The following ITPR1 variants were observed in gnomAD, a reference collection of about 807,000 sequenced individuals.
The protein encoded by ITPR1 is inositol 1,4,5-trisphosphate receptor type 1, also known as inositol 1,4,5-trisphosphate-gated calcium channel ITPR1.
ITPR1 carries 96 observed loss-of-function variants against 318.4 expected under a neutral mutation model. The ratio of observed to expected loss-of-function variants is 0.30; its 90% CI spans 0.26 to 0.36. ITPR1 has a LOEUF of 0.36. Ranked by LOEUF, ITPR1 falls within the 10% of genes least tolerant of loss-of-function variation. ITPR1 has a pLI of 1.00. For missense variants in ITPR1, 2,440 were observed against 3,460.2 expected, an observed-to-expected ratio of 0.71 and a Z score of 7.40; for synonymous variants, 1,312 against 1,289.9, an observed-to-expected ratio of 1.02 and a Z score of -0.37.
chr3:4,600,981 C>T (rs945222797), intron 4 of ITPR1, among the ~76,000 whole-genome samples: 3 of 152,036 alleles, frequency 2.0e-5, no homozygotes, highest in Admixed American at 2.0e-4. Flanking sequence ...TAAATTAATT[C>T]TTTTCAGAAA....
intron 4 of ITPR1, among the ~76,000 whole-genome samples, chr3:4,564,774 TA>T (rs777988639): frequency 7.9e-5 from 12 of 152,162 alleles, no homozygotes; most frequent in Admixed American, 7.2e-4. Context: ...TAATTTATGA[TA>T]TTTTTTTAAG....
chr3:4,817,707 C>T (rs749216663), intron 59 of ITPR1, among the ~76,000 whole-genome samples: 5 of 152,202 alleles, frequency 3.3e-5, no homozygotes, highest in South Asian at 2.1e-4. Flanking sequence ...TTTACCTGGG[C>T]GAAGGGACTT....
Position 4,722,349 on chromosome 3 carries a change from G to A in ITPR1, c.5137-3197G>A, listed in dbSNP as rs577829735. ...ATTGGCCTTGACTGGAGGTGCCAGC[G>A]CCTGAACGCAGTGACTGGTCCTGGG... On this transcript the variant is annotated intron_variant, in intron 40 of 61. Coordinates refer to ENST00000649015, the MANE Select transcript of ITPR1 (RefSeq NM_001378452.1). Among the ~76,000 whole-genome samples, 9 of 152,276 alleles carry A rather than the reference G, an allele frequency of 5.9e-5. No homozygotes were observed. The South Asian group carries it at 1.0e-3, about 18-fold the overall frequency.
chr3:4,602,221 A>G (rs997827881), intron 4 of ITPR1, among the ~76,000 whole-genome samples: 1 of 152,228 alleles, frequency 6.6e-6, no homozygotes, highest in Non-Finnish European at 1.5e-5. Flanking sequence ...ATACGTCTAC[A>G]TAAAAACTTG....
chr3:4,627,742 G>T, intron 4 of ITPR1, 21 bp from the exon 5 acceptor site: 1 of 1,510,962 alleles, frequency 6.6e-7, no homozygotes. Context: ...GGCAATTTCT[G>T]TTTGTTTGCT....
intron 24 of ITPR1, among the ~76,000 whole-genome samples, chr3:4,678,750 C>T (rs774890463): frequency 5.9e-5 from 9 of 152,082 alleles, no homozygotes; most frequent in Non-Finnish European, 1.3e-4. Context: ...GGGCTTTGTA[C>T]ATGGAGAAAC....
chr3:4,728,287 T>C (rs1394092590), intron 42 of ITPR1, among the ~76,000 whole-genome samples: 1 of 152,214 alleles, frequency 6.6e-6, no homozygotes, highest in Non-Finnish European at 1.5e-5. Flanking sequence ...TTTGGGAAGA[T>C]AACCAGATGT....
At chr3:4,812,745 C>A (rs2049021942) in intron 56 of ITPR1, among the ~76,000 whole-genome samples, 1 of 152,192 alleles carries the variant, frequency 6.6e-6, no homozygotes, top group Admixed American at 6.5e-5. Context: ...ACATTTACTG[C>A]CAGCCATCTT....
intron 13 of ITPR1, among the ~76,000 whole-genome samples, chr3:4,660,397 A>G (rs1000905966): frequency 6.7e-6 from 1 of 149,436 alleles, no homozygotes. Context: ...TTCCCAGGCT[A>G]TGGTGATTTT....
At chr3:4,521,993 G>T (rs930182430) in intron 4 of ITPR1, among the ~76,000 whole-genome samples, 3 of 151,312 alleles carry the variant, frequency 2.0e-5, no homozygotes, top group African/African-American at 2.4e-5. Context: ...TTAGTTTATT[G>T]TAGGAGGTCT....
At chr3:4,783,980 C>G in intron 51 of ITPR1, 60 bp downstream of exon 51, 1 of 1,158,210 alleles carries the variant, frequency 8.6e-7, no homozygotes, top group Non-Finnish European at 1.3e-6. Context: ...GTGCAATGCC[C>G]TGCTCTGGGG....
At chr3:4,553,476 G>C (rs1253314258) in intron 4 of ITPR1, among the ~76,000 whole-genome samples, 1 of 152,052 alleles carries the variant, frequency 6.6e-6, no homozygotes, top group Non-Finnish European at 1.5e-5. Flanking sequence ...TGTCACCCAG[G>C]CTGAAGTACA....
intron 4 of ITPR1, among the ~76,000 whole-genome samples, chr3:4,552,844 C>T (rs972801555): frequency 6.6e-6 from 1 of 152,144 alleles, no homozygotes; most frequent in Non-Finnish European, 1.5e-5. Context: ...AACTCATTAG[C>T]ATGCAAAAGA....
intron 4 of ITPR1, among the ~76,000 whole-genome samples, chr3:4,524,990 C>G (rs936806733): frequency 1.3e-5 from 2 of 152,118 alleles, no homozygotes; most frequent in South Asian, 4.1e-4. Context: ...AGAGTTTAAG[C>G]CTTATTCTTT....
chr3:4,716,726 C>A (rs770385762), intron 39 of ITPR1, among the ~76,000 whole-genome samples: 1 of 152,138 alleles, frequency 6.6e-6, no homozygotes, highest in East Asian at 1.9e-4. Flanking sequence ...CTTAAACAAG[C>A]GTAATTGTGA....
intron 53 of ITPR1, among the ~76,000 whole-genome samples, chr3:4,799,252 T>A (rs1013018395): frequency 6.6e-6 from 1 of 152,246 alleles, no homozygotes; most frequent in Non-Finnish European, 1.5e-5. Flanking sequence ...CTTGACACGA[T>A]GTCTAACAAT....
At chr3:4,505,139 G>A (rs1340601082) in intron 2 of ITPR1, among the ~76,000 whole-genome samples, 1 of 152,102 alleles carries the variant, frequency 6.6e-6, no homozygotes, top group Non-Finnish European at 1.5e-5. Context: ...CAGGTGCTTT[G>A]AGCAAAAGCC....
intron 4 of ITPR1, among the ~76,000 whole-genome samples, chr3:4,528,473 T>C (rs1480577289): frequency 6.6e-6 from 1 of 152,220 alleles, no homozygotes; most frequent in Non-Finnish European, 1.5e-5. Context: ...ACGACCCTCC[T>C]TTGCCGCACA....
chr3:4,513,315 C>G (rs538058043), intron 2 of ITPR1, among the ~76,000 whole-genome samples: 1 of 152,316 alleles, frequency 6.6e-6, no homozygotes, highest in East Asian at 1.9e-4. Flanking sequence ...CTCCTCCCCC[C>G]ATCTCCTTCC....
Sources: allele counts gnomAD v4.1 joint callset (sites outside exome capture counted in the v4.1 genomes callset), GRCh38; gene constraint gnomAD v4.1.1; transcripts MANE v1.5; gene names NCBI Gene and HGNC (gene_info 2026-07-23, HGNC 2026-07-21).